VWA3B: variants seen among roughly 807,000 people sequenced by gnomAD.
VWA3B encodes von Willebrand factor A domain containing 3B.
Under a neutral mutation model 158.3 loss-of-function variants are expected in VWA3B, and 138 were observed. The ratio of observed to expected loss-of-function variants is 0.87; its 90% CI spans 0.76 to 1.00. The LOEUF (loss-of-function observed/expected upper bound fraction) is 1.00. VWA3B is among the 50% of genes least tolerant of loss of function. The pLI, the probability that VWA3B is intolerant of heterozygous loss-of-function variation, is 0.00. For missense variants in VWA3B, 1,555 were observed against 1,565.1 expected (o/e 0.99, Z 0.11); for synonymous variants, 596 against 587.3 (o/e 1.01, Z -0.21).
intron 7 of VWA3B, among the ~76,000 whole-genome samples, chr2:98,136,809 C>A (rs1050017761): frequency 6.6e-6 from 1 of 152,186 alleles, no homozygotes; most frequent in Non-Finnish European, 1.5e-5. Flanking sequence ...GTCCCACCCT[C>A]ACCCCTAGCA....
chr2:98,253,051 T>A, intron 20 of VWA3B, among the ~76,000 whole-genome samples: 1 of 152,296 alleles, frequency 6.6e-6, no homozygotes, highest in South Asian at 2.1e-4. Flanking sequence ...TTAACATTGT[T>A]ATTTAATATT....
intron 12 of VWA3B, among the ~76,000 whole-genome samples, chr2:98,208,565 A>G (rs1212617386): frequency 2.6e-5 from 4 of 152,132 alleles, no homozygotes; most frequent in Non-Finnish European, 4.4e-5. Context: ...TTCCTTATAC[A>G]TATATGTAAC....
At chr2:98,108,177 T>G (rs1489670393) in intron 2 of VWA3B, among the ~76,000 whole-genome samples, 1 of 152,138 alleles carries the variant, frequency 6.6e-6, no homozygotes, top group African/African-American at 2.4e-5. Flanking sequence ...CCTGTTATCT[T>G]TTTATTTATT....
At chr2:98,234,064 T>C (rs1316020584) in intron 16 of VWA3B, among the ~76,000 whole-genome samples, 2 of 152,188 alleles carry the variant, frequency 1.3e-5, no homozygotes, top group African/African-American at 4.8e-5. Flanking sequence ...GTGGGCAGAA[T>C]TTCTAGAATG....
At chr2:98,160,005 A>AT (rs1007403392) in intron 7 of VWA3B, among the ~76,000 whole-genome samples, 3 of 127,320 alleles carry the variant, frequency 2.4e-5, no homozygotes, top group Non-Finnish European at 5.1e-5. Flanking sequence ...GCAAGAATCC[A>AT]TTAAAAAAAA....
intron 19 of VWA3B, among the ~76,000 whole-genome samples, chr2:98,239,543 A>G (rs1272376353): frequency 6.6e-6 from 1 of 150,812 alleles, no homozygotes; most frequent in East Asian, 1.9e-4. Flanking sequence ...TTTTTTTTAA[A>G]TTTATGTAGC....
chr2:98,265,264 A>G (rs559808058), intron 21 of VWA3B, among the ~76,000 whole-genome samples: 21 of 150,668 alleles, frequency 1.4e-4, no homozygotes, highest in African/African-American at 4.9e-4. Context: ...TCATTGTTCA[A>G]TTCCCACCTG....
chr2:98,292,431 C>T (rs62155285), intron 23 of VWA3B, among the ~76,000 whole-genome samples: 5,932 of 152,128 alleles, frequency 0.039, 168 homozygotes, highest in Middle Eastern at 0.075. Context: ...TTATTTGAAA[C>T]GTGATAAATG....
At chr2:98,207,295 C>T (rs1683105677) in intron 12 of VWA3B, 3 of 490,194 alleles carry the variant, frequency 6.1e-6, no homozygotes, top group South Asian at 3.2e-5. Flanking sequence ...CACTGTGCTG[C>T]CCCATGCTGT....
chr2:98,322,988 A>G, the VWA3B span, among the ~76,000 whole-genome samples: 1 of 152,242 alleles, frequency 6.6e-6, no homozygotes, highest in Non-Finnish European at 1.5e-5. Context: ...AACCACACAC[A>G]CACACACAAG....
Position 98,185,057 on chromosome 2 carries a change from T to C in VWA3B, c.1312-2918T>C, listed in dbSNP as rs550671232. Among the ~76,000 whole-genome samples, 23 of 152,332 alleles carry C rather than the reference T, an allele frequency of 1.5e-4. No homozygotes were observed. In the South Asian group the frequency reaches 3.7e-3, roughly 25 times the overall value. On this transcript the variant is annotated intron_variant, in intron 9 of 27. Coordinates refer to ENST00000477737, the MANE Select transcript of VWA3B (RefSeq NM_144992.5). ...CTTTTACCTTCTCTTTCCCAGTGAC[T>C]TCCTCCCCAACTCCATCTCTACCAC... is the stretch of plus-strand genomic sequence containing the variant.
chr2:98,211,900 G>A (rs1683551295), intron 12 of VWA3B, 30 bp from the exon 13 acceptor site: 2 of 1,590,054 alleles, frequency 1.3e-6, no homozygotes, highest in Non-Finnish European at 1.7e-6. Flanking sequence ...TGGGATTCAA[G>A]TGTGTCCTTG....
intron 14 of VWA3B, among the ~76,000 whole-genome samples, chr2:98,220,645 A>G (rs1684414957): frequency 2.0e-5 from 3 of 152,232 alleles, no homozygotes; most frequent in Admixed American, 2.0e-4. Flanking sequence ...ATAAAGACAC[A>G]TGCACACATA....
At chr2:98,186,425 C>T (rs1409714491) in intron 9 of VWA3B, among the ~76,000 whole-genome samples, 1 of 152,070 alleles carries the variant, frequency 6.6e-6, no homozygotes, top group Non-Finnish European at 1.5e-5. Flanking sequence ...CCTGATCTCC[C>T]GACTACTGCC....
At position 98,311,991 on chromosome 2, in the gene VWA3B, A is replaced by T. The variant is rs1469655799; in HGVS notation, c.3694A>T (p.Ser1232Cys). 6.2e-7 allele frequency: 1 copy of T among 1,603,726 alleles called. No individual in the cohort carries two copies. The highest frequency in any genetic ancestry group is 2.3e-5 in the East Asian group (1 of 44,410). ...SDSDGSSHGI[S>C]SHGSCQGTHP... ...CTCGGACGGCTCCTCCCACGGCATC[A>T]GCTCCCATGGGTCCTGCCAGGGGAC... The change falls in exon 27 of 28, where the codon AGC (serine) becomes TGC (cysteine). Residue 1232 changes from serine (S) to cysteine (C), a missense_variant. Transcript: ENST00000477737.
intron 13 of VWA3B, 152 bp downstream of exon 13, chr2:98,212,180 C>T (rs531133788): frequency 8.4e-5 from 49 of 586,068 alleles, no homozygotes; most frequent in African/African-American, 4.5e-4. Context: ...TGAGAAAATA[C>T]ACTGAAAGAT....
intron 22 of VWA3B, among the ~76,000 whole-genome samples, chr2:98,274,966 T>G (rs1401169680): frequency 6.6e-6 from 1 of 152,172 alleles, no homozygotes; most frequent in African/African-American, 2.4e-5. Context: ...CTTCCATCCT[T>G]CCTCTGCTCC....
intron 26 of VWA3B, among the ~76,000 whole-genome samples, chr2:98,308,991 G>A (rs1476339665): frequency 6.6e-6 from 1 of 151,930 alleles, no homozygotes; most frequent in Non-Finnish European, 1.5e-5. Flanking sequence ...GGCCATTATG[G>A]TGAAACCTCG....
At chr2:98,221,300 G>A (rs529950837) in intron 14 of VWA3B, among the ~76,000 whole-genome samples, 1 of 152,266 alleles carries the variant, frequency 6.6e-6, no homozygotes, top group East Asian at 1.9e-4. Flanking sequence ...TCCACGAAAA[G>A]CCTGTTCCCC....
Sources: gnomAD v4.1 joint callset for allele counts (sites outside exome capture counted in the v4.1 genomes callset) on GRCh38, gnomAD v4.1.1 for gene constraint, MANE v1.5 for transcripts, NCBI Gene and HGNC (gene_info 2026-07-23, HGNC 2026-07-21) for gene names.